The following PCDHA1 variants were observed in gnomAD, a reference collection of about 807,000 sequenced individuals.
PCDHA1 encodes the protein protocadherin alpha 1, also known as protocadherin alpha-1.
Under a neutral mutation model 61.3 loss-of-function variants are expected in PCDHA1, and 42 were observed. The ratio of observed to expected loss-of-function variants is 0.69; its 90% CI spans 0.54 to 0.89. The LOEUF (loss-of-function observed/expected upper bound fraction) is 0.89, where lower values mean the gene tolerates loss of function less well. Ranked by LOEUF, PCDHA1 falls within the 40% of genes least tolerant of loss-of-function variation. The pLI is 0.00. For synonymous variants in PCDHA1, 610 were observed against 553.8 expected (o/e 1.10, Z -1.43); for missense variants, 1,256 against 1,235.3 (o/e 1.02, Z -0.25).
At chr5:140,795,919 C>T in intron 1 of PCDHA1, 4 of 1,613,788 alleles carry the variant, frequency 2.5e-6, no homozygotes, top group Non-Finnish European at 3.4e-6. Context: ...CTACGAGATT[C>T]AGGTCACTGC....
In PCDHA1 at chr5:140,972,962, A is replaced by G. The variant is rs550755148; in HGVS notation, c.2395-5987A>G. Among the ~76,000 whole-genome samples the G allele has an allele frequency of 1.5e-3, 231 of 152,144 alleles. 1 individual carries two copies. The highest frequency in any genetic ancestry group is 2.9e-3 in the Non-Finnish European group (194 of 67,976). ...CAGATGTGAGCCACCATGCCCGGCA[A>G]AGGAAACCAAATCTTAAGGTAGATT... On this transcript the variant is annotated intron_variant, in intron 1 of 3. Transcript: ENST00000504120.
At position 141,011,260 on chromosome 5, in the gene PCDHA1, C is replaced by T. The variant is rs2098420018; in HGVS notation, c.*1323C>T. On this transcript the variant is annotated 3_prime_UTR_variant, in exon 4 of 4. Coordinates refer to ENST00000504120, the MANE Select transcript of PCDHA1 (RefSeq NM_018900.4). ...TGACTTGTCTTGGTGTGCTAGCCTA[C>T]ACCTTCTCTTTGGTTTAGTTTTCCT... The T allele has an allele frequency of 6.5e-6, 1 of 153,766 alleles. No individual in the cohort carries two copies. The highest frequency in any genetic ancestry group is 6.5e-5 in the Admixed American group (1 of 15,278). 9.5% of individuals were successfully genotyped at this position (153,766 alleles called of 1,614,324 possible).
In PCDHA1 at chr5:140,858,119, C is replaced by G. The variant is rs1444406371; in HGVS notation, c.2394+69435C>G. The G allele has an allele frequency of 1.6e-5, 26 of 1,597,694 alleles. 1 individual carries two copies. The highest frequency in any genetic ancestry group is 2.1e-5 in the Non-Finnish European group (25 of 1,167,644). On this transcript the variant is annotated intron_variant, in intron 1 of 3. Transcript: ENST00000504120. The stretch of plus-strand genomic sequence containing the variant: ...AGTGGGCGTGGCGCCCGAGGTGGCC[C>G]TGGTGGATGTCAACGTGTACCTGAT...
intron 1 of PCDHA1, chr5:140,869,217 G>A: frequency 1.2e-6 from 2 of 1,613,842 alleles, no homozygotes; most frequent in South Asian, 1.1e-5. Context: ...TCTCGGAGGA[G>A]GCCAAACACG....
intron 1 of PCDHA1, chr5:140,822,130 G>A (rs1554128458): frequency 6.2e-7 from 1 of 1,614,268 alleles, no homozygotes; most frequent in Non-Finnish European, 8.5e-7. Flanking sequence ...TTTCCATGTG[G>A]AGGTGGCAGT....
intron 1 of PCDHA1, chr5:140,968,943 T>G (rs1429261485): frequency 1.2e-6 from 2 of 1,614,128 alleles, no homozygotes; most frequent in Non-Finnish European, 1.7e-6. Context: ...ATCATCATTT[T>G]GAGCATCATC....
chr5:140,863,595 A>T (rs976338326), intron 1 of PCDHA1: 15 of 357,408 alleles, frequency 4.2e-5, no homozygotes, highest in Admixed American at 3.4e-4. Flanking sequence ...AAAGTATTTC[A>T]TTCCTATTAA....
chr5:140,834,187 T>TC, intron 1 of PCDHA1: 1 of 577,002 alleles, frequency 1.7e-6, no homozygotes, highest in South Asian at 2.5e-5. Context: ...CCACATGATG[T>TC]CGCTCTTTAC....
At chr5:140,949,405 AC>A (rs1554218939) in intron 1 of PCDHA1, among the ~76,000 whole-genome samples, 1 of 151,820 alleles carries the variant, frequency 6.6e-6, no homozygotes, top group African/African-American at 2.4e-5. Flanking sequence ...GTTAAAAATC[AC>A]CTATCATCAT....
chr5:140,962,512 AATAAT>A (rs2095688598), intron 1 of PCDHA1, among the ~76,000 whole-genome samples: 1 of 152,184 alleles, frequency 6.6e-6, no homozygotes, highest in Admixed American at 6.5e-5. Flanking sequence ...GCCAACTATC[AATAAT>A]ATATTAGTTT....
chr5:140,869,481 TAACG>T (rs1306564737), intron 1 of PCDHA1: 1 of 1,613,970 alleles, frequency 6.2e-7, no homozygotes, highest in African/African-American at 1.3e-5. Flanking sequence ...TGAAGGACAT[TAACG>T]ACAACCCGCC....
At chr5:140,911,759 T>A (rs2075630155) in intron 1 of PCDHA1, among the ~76,000 whole-genome samples, 3 of 152,026 alleles carry the variant, frequency 2.0e-5, no homozygotes, top group South Asian at 2.1e-4. Context: ...TTCTCCATAC[T>A]ATTAGAAGTA....
At chr5:140,807,710 A>G (rs782047750) in intron 1 of PCDHA1, 3 of 1,614,194 alleles carry the variant, frequency 1.9e-6, no homozygotes, top group African/African-American at 2.7e-5. Flanking sequence ...ACTGAGCCCA[A>G]ATGAATACTT....
chr5:140,825,576 C>G lies in PCDHA1; in HGVS notation c.2394+36892C>G, dbSNP rs1028735086. 7.2e-5 allele frequency: 11 copies of G among 151,850 alleles called. No individual in the cohort carries two copies. In the East Asian group the frequency reaches 2.1e-3, roughly 29 times the overall value. 9.4% of individuals were successfully genotyped at this position (151,850 alleles called of 1,614,324 possible). A position where few individuals can be genotyped will look rare whatever the true frequency, so the allele number is the denominator to read the frequency against. On this transcript the variant is annotated intron_variant, in intron 1 of 3. Transcript: ENST00000504120. Reference sequence around the variant, plus strand: ...AGTAGCTGGGATTACAGGCATGTGCCCACACCTGGCTAATTTTTTGTATTT... The same window carrying G: ...AGTAGCTGGGATTACAGGCATGTGCGCACACCTGGCTAATTTTTTGTATTT...
chr5:140,963,600 G>T (rs111244023), intron 1 of PCDHA1, among the ~76,000 whole-genome samples: 1 of 152,180 alleles, frequency 6.6e-6, no homozygotes, highest in Non-Finnish European at 1.5e-5. Context: ...AGTTCTAGAC[G>T]TAATTGGGAA....
chr5:140,920,640 T>C (rs1554199754), intron 1 of PCDHA1, among the ~76,000 whole-genome samples: 1 of 152,038 alleles, frequency 6.6e-6, no homozygotes, highest in African/African-American at 2.4e-5. Context: ...GGTCAAGAGA[T>C]TGAGACCATC....
At chr5:140,961,205 T>C (rs1215243152) in intron 1 of PCDHA1, among the ~76,000 whole-genome samples, 2 of 152,172 alleles carry the variant, frequency 1.3e-5, no homozygotes, top group Non-Finnish European at 2.9e-5. Context: ...GAGGTTGGTA[T>C]TGATGAAGAA....
intron 1 of PCDHA1, among the ~76,000 whole-genome samples, chr5:140,896,047 G>T (rs1369678792): frequency 6.6e-6 from 1 of 152,138 alleles, no homozygotes; most frequent in Non-Finnish European, 1.5e-5. Context: ...CTGACCTCAG[G>T]TGATCCGCCT....
intron 1 of PCDHA1, among the ~76,000 whole-genome samples, chr5:140,908,124 C>A (rs782391085): frequency 6.6e-6 from 1 of 152,234 alleles, no homozygotes; most frequent in Non-Finnish European, 1.5e-5. Flanking sequence ...GATTTCCCTT[C>A]ACTGCTGTCC....
Sources: allele counts gnomAD v4.1 joint callset (sites outside exome capture counted in the v4.1 genomes callset), GRCh38; gene constraint gnomAD v4.1.1; transcripts MANE v1.5; gene names NCBI Gene and HGNC (gene_info 2026-07-23, HGNC 2026-07-21).